Variants in PPP1R12B observed in about 807,000 individuals in gnomAD.
PPP1R12B encodes protein phosphatase 1 regulatory subunit 12B.
In PPP1R12B, 76 loss-of-function variants were observed where a neutral mutation model predicts 126.1. The ratio of observed to expected loss-of-function variants is 0.60; its 90% confidence interval spans 0.50 to 0.73. The LOEUF is 0.73. Among genes scored for constraint, PPP1R12B ranks in the 30% least tolerant of loss-of-function variants. The pLI, the probability that PPP1R12B is intolerant of heterozygous loss-of-function variation, is 0.00. For missense variants in PPP1R12B, 1,052 were observed against 1,205.1 expected (o/e 0.87, Z 1.88); for synonymous variants, 356 against 434.7 (o/e 0.82, Z 2.25).
chr1:202,371,685 T>C (rs1281291952), intron 1 of PPP1R12B, among the ~76,000 whole-genome samples: 1 of 152,026 alleles, frequency 6.6e-6, no homozygotes, highest in African/African-American at 2.4e-5. Context: ...TATTTAGAAG[T>C]GATTTAAGAT....
At chr1:202,557,791 A>T (rs1328928208) in intron 18 of PPP1R12B, among the ~76,000 whole-genome samples, 1 of 152,238 alleles carries the variant, frequency 6.6e-6, no homozygotes, top group South Asian at 2.1e-4. Context: ...GAGAGATTCT[A>T]TGAGGAAATG....
At chr1:202,555,324 T>TAAAAAAA (rs1686776254) in intron 18 of PPP1R12B, among the ~76,000 whole-genome samples, 1 of 5,010 alleles carries the variant, frequency 2.0e-4, no homozygotes, top group Admixed American at 4.4e-3. Context: ...CCTGTTTTAA[T>TAAAAAAA]GAAAAAAAAA....
intron 18 of PPP1R12B, among the ~76,000 whole-genome samples, chr1:202,528,648 C>G (rs1052821725): frequency 1.3e-5 from 2 of 152,116 alleles, no homozygotes; most frequent in African/African-American, 2.4e-5. Flanking sequence ...TAACATGTAC[C>G]CTGGGAATTG....
rs529317294 is a variant in PPP1R12B at position 202,471,641 on chromosome 1, A to T, written c.1851-16892A>T. 5.8e-5 allele frequency among the ~76,000 whole-genome samples: 8 copies of T among 137,810 alleles called. No individual in the cohort carries two copies. The East Asian group carries it at 1.7e-3, about 29-fold the overall frequency. The allele number at this position is 137,810 out of a possible 152,430, so 90.4% of individuals were successfully genotyped here. ...TCTAAGGAAGATGAAATCATTTCTCATTTTAATTTGCATTTTTTTTATTAC... is the reference window on the plus strand; with the variant it reads ...TCTAAGGAAGATGAAATCATTTCTCTTTTTAATTTGCATTTTTTTTATTAC... On this transcript the variant is annotated intron_variant, in intron 13 of 23. Coordinates refer to ENST00000608999, the MANE Select transcript of PPP1R12B (RefSeq NM_002481.4).
intron 1 of PPP1R12B, among the ~76,000 whole-genome samples, chr1:202,349,884 G>A (rs536966374): frequency 3.0e-4 from 46 of 152,152 alleles, no homozygotes; most frequent in Non-Finnish European, 5.9e-4. Flanking sequence ...ATACTATATG[G>A]ATTGTGGATA....
At chr1:202,407,541 A>C (rs1447395841) in intron 1 of PPP1R12B, among the ~76,000 whole-genome samples, 3 of 152,252 alleles carry the variant, frequency 2.0e-5, no homozygotes, top group African/African-American at 7.2e-5. Flanking sequence ...TCTGAGAGCC[A>C]AACTGTCTCT....
At chr1:202,527,890 A>G (rs1246477105) in intron 18 of PPP1R12B, among the ~76,000 whole-genome samples, 1 of 152,252 alleles carries the variant, frequency 6.6e-6, no homozygotes, top group Non-Finnish European at 1.5e-5. Context: ...ATTGAGGCAA[A>G]GAAAAACCAA....
At chr1:202,557,829 A>G (rs768403925) in intron 18 of PPP1R12B, among the ~76,000 whole-genome samples, 1 of 152,206 alleles carries the variant, frequency 6.6e-6, no homozygotes, top group African/African-American at 2.4e-5. Flanking sequence ...GACTCTATTC[A>G]GTCCTCTTTA....
intron 23 of PPP1R12B, among the ~76,000 whole-genome samples, chr1:202,580,047 T>C (rs1445178728): frequency 6.6e-6 from 1 of 152,192 alleles, no homozygotes; most frequent in Non-Finnish European, 1.5e-5. Flanking sequence ...CCTTTAACTC[T>C]TCTAGTTGAC....
At chr1:202,426,568 A>C (rs1222445148) in intron 4 of PPP1R12B, among the ~76,000 whole-genome samples, 1 of 152,200 alleles carries the variant, frequency 6.6e-6, no homozygotes, top group Non-Finnish European at 1.5e-5. Context: ...CCCTGAAGAG[A>C]ATTGAGTCTT....
chr1:202,516,736 A>T (rs968016748), intron 18 of PPP1R12B, among the ~76,000 whole-genome samples: 1 of 152,184 alleles, frequency 6.6e-6, no homozygotes, highest in Non-Finnish European at 1.5e-5. Context: ...TCCCCTAACA[A>T]TCCTTAGTCC....
chr1:202,416,981 ATTCTT>A, intron 2 of PPP1R12B, 64 bp downstream of exon 2: 2 of 1,481,836 alleles, frequency 1.3e-6, no homozygotes, highest in Non-Finnish European at 1.8e-6. Context: ...TTTCTCCTCT[ATTCTT>A]AGGAATTTGA....
Position 202,434,743 on chromosome 1 carries a change from C to T in PPP1R12B, c.1229C>T (p.Thr410Ile). ...CAGATACCAGCACCAGCTCAAAATA[C>T]CTTCTCTGCCTCTTCTGCTAGGAGG... ...TEQIPAPAQN[T>I]FSASSARRFS... Residue 410 changes from threonine (T) to isoleucine (I), a missense_variant, in exon 9 of 24, where the codon ACC becomes ATC. Thr to Ile is a moderately conservative substitution (Grantham distance 89). Transcript: ENST00000608999. 6.2e-7 allele frequency: 1 copy of T among 1,613,752 alleles called. No homozygotes were observed. Among genetic ancestry groups the T allele is most frequent in the Non-Finnish European group, 8.5e-7 (1 of 1,179,898 alleles).
intron 18 of PPP1R12B, among the ~76,000 whole-genome samples, chr1:202,542,417 G>A (rs568935322): frequency 3.3e-5 from 5 of 152,312 alleles, no homozygotes; most frequent in Non-Finnish European, 5.9e-5. Context: ...AAGCAGCAGA[G>A]CCTTGATTAA....
intron 13 of PPP1R12B, chr1:202,472,222 C>T: frequency 2.1e-6 from 1 of 470,334 alleles, no homozygotes; most frequent in Non-Finnish European, 3.7e-6. Context: ...TTTAGTTTGT[C>T]TTTTAATGTC....
At chr1:202,437,752 A>T in intron 9 of PPP1R12B, 69 bp from the exon 10 acceptor site, 1 of 1,409,554 alleles carries the variant, frequency 7.1e-7, no homozygotes, top group Non-Finnish European at 9.6e-7. Flanking sequence ...AGTGTGGAAA[A>T]GGCAAATAGG....
chr1:202,408,813 G>T (rs1357570235), intron 1 of PPP1R12B, among the ~76,000 whole-genome samples: 1 of 150,716 alleles, frequency 6.6e-6, no homozygotes, highest in Non-Finnish European at 1.5e-5. Context: ...CTCTTTGAGA[G>T]ACCCTGCTTT....
chr1:202,383,336 A>G (rs545252758), intron 1 of PPP1R12B, among the ~76,000 whole-genome samples: 4 of 152,236 alleles, frequency 2.6e-5, no homozygotes, highest in Non-Finnish European at 4.4e-5. Flanking sequence ...CTTCATAGGA[A>G]TGTATCCCTA....
intron 13 of PPP1R12B, among the ~76,000 whole-genome samples, chr1:202,481,632 A>C (rs1229556138): frequency 3.9e-5 from 6 of 152,218 alleles, no homozygotes; most frequent in Non-Finnish European, 7.3e-5. Context: ...ATGGAGGTAC[A>C]GTTTGATGTT....
Sources: gnomAD v4.1 joint callset for allele counts (sites outside exome capture counted in the v4.1 genomes callset) on GRCh38, gnomAD v4.1.1 for gene constraint, MANE v1.5 for transcripts, NCBI Gene and HGNC (gene_info 2026-07-23, HGNC 2026-07-21) for gene names.